Variants in PCTP observed in about 807,000 individuals in gnomAD.
The protein encoded by PCTP is phosphatidylcholine transfer protein.
PCTP carries 27 observed loss-of-function variants against 31.0 expected under a neutral mutation model. The ratio of observed to expected loss-of-function variants is 0.87; its 90% CI spans 0.64 to 1.20. The LOEUF is 1.20. Ranked by LOEUF, PCTP falls within the 50% of genes most tolerant of loss-of-function variation. The probability of loss-of-function intolerance (pLI) is 0.00; values close to 1 mark genes in which losing one functional copy is unlikely to be tolerated. For synonymous variants in PCTP, 108 were observed against 101.2 expected (o/e 1.07, Z -0.40); for missense variants, 287 against 268.2 (o/e 1.07, Z -0.49).
At chr17:55,817,326 A>C (rs996713205) in intron 3 of PCTP, among the ~76,000 whole-genome samples, 17 of 152,252 alleles carry the variant, frequency 1.1e-4, no homozygotes, top group Admixed American at 8.5e-4. Context: ...TAGCTGTGCT[A>C]AAACTTTGCT....
At chr17:55,778,465 A>G (rs542115242), downstream of PCTP, among the ~76,000 whole-genome samples, 8 of 152,310 alleles carry the variant, frequency 5.3e-5, no homozygotes, top group African/African-American at 1.9e-4. Context: ...TATAGTAGGC[A>G]CTCGAATGGT....
intron 5 of PCTP, among the ~76,000 whole-genome samples, chr17:55,829,427 C>T (rs1905521027): frequency 6.6e-6 from 1 of 152,102 alleles, no homozygotes. Flanking sequence ...TCTGTCTCAG[C>T]TTCTTGAGTA....
chr17:55,773,973 G>C, intron 4 of PCTP, 78 bp downstream of exon 4: 5 of 1,452,120 alleles, frequency 3.4e-6, no homozygotes, highest in Non-Finnish European at 4.6e-6. Context: ...GGGACATGTC[G>C]AGTACATGAA....
intron 5 of PCTP, among the ~76,000 whole-genome samples, chr17:55,838,816 G>T (rs889682367): frequency 2.6e-5 from 4 of 152,186 alleles, no homozygotes; most frequent in Admixed American, 2.6e-4. Flanking sequence ...ACTTATCGGA[G>T]ATTACAGAGC....
At chr17:55,768,528 T>C (rs1041786096) in intron 2 of PCTP, among the ~76,000 whole-genome samples, 5 of 152,034 alleles carry the variant, frequency 3.3e-5, no homozygotes, top group African/African-American at 1.2e-4. Flanking sequence ...CCGCCAGCAG[T>C]TTGGTGTTGT....
chr17:55,802,804 C>T (rs7223839), intron 3 of PCTP, among the ~76,000 whole-genome samples: 4,091 of 152,198 alleles, frequency 0.027, 185 homozygotes, highest in African/African-American at 0.094. Flanking sequence ...TGAAAACTGG[C>T]ACAAGACAAG....
downstream of PCTP, among the ~76,000 whole-genome samples, chr17:55,781,437 T>C (rs1458106655): frequency 6.6e-6 from 1 of 152,230 alleles, no homozygotes; most frequent in Non-Finnish European, 1.5e-5. Flanking sequence ...ATAAATGAAA[T>C]CCAGCACCTT....
intron 5 of PCTP, among the ~76,000 whole-genome samples, chr17:55,837,417 C>T (rs559071503): frequency 5.1e-4 from 77 of 152,220 alleles, no homozygotes; most frequent in African/African-American, 1.7e-3. Flanking sequence ...TTCTTGGGTA[C>T]CTATAATGGT....
intron 5 of PCTP, among the ~76,000 whole-genome samples, chr17:55,832,090 C>G (rs1172451482): frequency 6.6e-6 from 1 of 152,030 alleles, no homozygotes; most frequent in Non-Finnish European, 1.5e-5. Flanking sequence ...AACAAACAAA[C>G]AACAACAACA....
intron 5 of PCTP, chr17:55,842,698 T>C (rs1395728261): frequency 3.3e-5 from 5 of 152,226 alleles, no homozygotes; most frequent in Non-Finnish European, 7.3e-5. Flanking sequence ...TATTTTCAGT[T>C]TATTTGCTCT....
intron 3 of PCTP, among the ~76,000 whole-genome samples, chr17:55,800,784 G>A (rs1912349547): frequency 6.6e-6 from 1 of 152,076 alleles, no homozygotes. Context: ...GGTCTTTGAA[G>A]TTGGTGACCT....
intron 5 of PCTP, among the ~76,000 whole-genome samples, chr17:55,838,439 C>A (rs1905847361): frequency 6.6e-6 from 1 of 152,240 alleles, no homozygotes; most frequent in African/African-American, 2.4e-5. Flanking sequence ...CCTCTTCTAA[C>A]TTCCCTGACC....
chr17:55,806,131 C>T (rs1184665438), intron 3 of PCTP, among the ~76,000 whole-genome samples: 2 of 151,920 alleles, frequency 1.3e-5, no homozygotes, highest in Admixed American at 6.6e-5. Flanking sequence ...ATCACAGAGT[C>T]CTATTATTAG....
chr17:55,787,280 T>A (rs1911779696), intron 2 of PCTP, among the ~76,000 whole-genome samples: 1 of 151,536 alleles, frequency 6.6e-6, no homozygotes. Flanking sequence ...GTGTTTTAAT[T>A]CTTATGAATG....
At chr17:55,835,916 C>T (rs1367291262) in intron 5 of PCTP, among the ~76,000 whole-genome samples, 7 of 152,174 alleles carry the variant, frequency 4.6e-5, no homozygotes, top group Non-Finnish European at 8.8e-5. Context: ...TGTGTCCTGC[C>T]CTGGAGATTT....
intron 3 of PCTP, among the ~76,000 whole-genome samples, chr17:55,800,212 A>G (rs746815255): frequency 3.3e-5 from 5 of 152,040 alleles, no homozygotes; most frequent in African/African-American, 1.2e-4. Flanking sequence ...AGGTACACCA[A>G]TCAAATGGGG....
At position 55,776,771 on chromosome 17, in the gene PCTP, C is replaced by T; in HGVS notation, c.*671C>T. ...GAGAAGTATCAGAGGCCTGACCGGA[C>T]ACATAATATGACAACCACATTTTTC... On this transcript the variant is annotated 3_prime_UTR_variant, in exon 6 of 6. Coordinates refer to ENST00000268896, the MANE Select transcript of PCTP (RefSeq NM_021213.4). 9 of 1,125,134 alleles carry T rather than the reference C, an allele frequency of 8.0e-6. No individual in the cohort carries two copies. The highest frequency in any genetic ancestry group is 9.8e-6 in the Non-Finnish European group (9 of 920,518). 69.7% of individuals were successfully genotyped at this position (1,125,134 alleles called of 1,614,324 possible). A position where few individuals can be genotyped will look rare whatever the true frequency, so the allele number is the denominator to read the frequency against.
chr17:55,777,397 T>TC (rs1911394044), downstream of PCTP: 1 of 980,430 alleles, frequency 1.0e-6, no homozygotes, highest in Non-Finnish European at 1.2e-6. Context: ...ACCACTTCCT[T>TC]CCTACCTTCT....
intron 3 of PCTP, among the ~76,000 whole-genome samples, chr17:55,802,673 A>C (rs946718835): frequency 6.6e-6 from 1 of 152,204 alleles, no homozygotes. Context: ...ACACCCTTTC[A>C]TGCTAAAAAC....
Sources: allele counts gnomAD v4.1 joint callset (sites outside exome capture counted in the v4.1 genomes callset), GRCh38; gene constraint gnomAD v4.1.1; transcripts MANE v1.5; gene names NCBI Gene and HGNC (gene_info 2026-07-23, HGNC 2026-07-21).